The following SYTL3 variants were observed in gnomAD, a reference collection of about 807,000 sequenced individuals.
SYTL3 encodes synaptotagmin-like protein 3.
In SYTL3, 88 loss-of-function variants were observed where a neutral mutation model predicts 82.1. The observed-to-expected ratio is 1.07, with a 90% confidence interval of 0.90 to 1.28. The LOEUF (loss-of-function observed/expected upper bound fraction) is 1.28, where lower values mean the gene tolerates loss of function less well. Ranked by LOEUF, SYTL3 falls within the 50% of genes most tolerant of loss-of-function variation. The pLI is 0.00. For synonymous variants in SYTL3, 311 were observed against 289.4 expected (o/e 1.07, Z -0.76); for missense variants, 831 against 757.6 (o/e 1.10, Z -1.14).
intron 5 of SYTL3, among the ~76,000 whole-genome samples, chr6:158,673,936 T>C (rs1286239366): frequency 6.6e-6 from 1 of 150,734 alleles, no homozygotes; most frequent in Admixed American, 6.6e-5. Flanking sequence ...ATACAAAAAT[T>C]AGTTGGATGT....
intron 12 of SYTL3, among the ~76,000 whole-genome samples, chr6:158,749,020 A>C (rs1014215189): frequency 3.3e-5 from 5 of 151,182 alleles, no homozygotes; most frequent in Non-Finnish European, 7.4e-5. Flanking sequence ...TCAGGAGTTC[A>C]AGACCAGCCT....
chr6:158,739,994 CTTTTTT>C (rs35026438), intron 11 of SYTL3, among the ~76,000 whole-genome samples: 3,547 of 105,572 alleles, frequency 0.034, 60 homozygotes, highest in South Asian at 0.078. Flanking sequence ...AGGCAACTTA[CTTTTTT>C]TTTTTTTTTT....
intron 5 of SYTL3, among the ~76,000 whole-genome samples, chr6:158,672,222 C>T (rs1021880110): frequency 3.9e-5 from 6 of 152,108 alleles, no homozygotes; most frequent in African/African-American, 7.2e-5. Flanking sequence ...ACCCGGGAGG[C>T]GGAGGTTGCA....
intron 2 of SYTL3, among the ~76,000 whole-genome samples, chr6:158,656,797 T>G (rs1332281843): frequency 1.3e-5 from 2 of 152,086 alleles, no homozygotes; most frequent in Non-Finnish European, 2.9e-5. Flanking sequence ...AAACCTGGTG[T>G]TGTGTGGTGA....
rs750579202 is a variant in SYTL3 at position 158,651,753 on chromosome 6, G to C, written c.-726G>C. On this transcript the variant is annotated splice_region_variant and 5_prime_UTR_variant, in exon 2 of 18. Coordinates refer to ENST00000611299, the MANE Select transcript of SYTL3 (RefSeq NM_001242394.2). Reference sequence around the variant, plus strand: ...TTTTGTTGTTTTTGGGTGGTAAAAGGCTCCCCGAATGAGAAAGAATACTCG... The same window carrying C: ...TTTTGTTGTTTTTGGGTGGTAAAAGCCTCCCCGAATGAGAAAGAATACTCG... 2 of 151,678 alleles carry C rather than the reference G, an allele frequency of 1.3e-5. No individual in the cohort carries two copies. Among genetic ancestry groups the C allele is most frequent in the Non-Finnish European group, 2.9e-5 (2 of 67,902 alleles). The allele number at this position is 151,678 out of a possible 1,614,324, so 9.4% of individuals were successfully genotyped here. A position where few individuals can be genotyped will look rare whatever the true frequency, so the allele number is the denominator to read the frequency against.
At chr6:158,668,611 G>A (rs1004547553) in intron 5 of SYTL3, among the ~76,000 whole-genome samples, 11 of 152,178 alleles carry the variant, frequency 7.2e-5, no homozygotes, top group South Asian at 4.1e-4. Context: ...TTTGCCAAGC[G>A]AACACCATGC....
chr6:158,735,057 C>A (rs539533007), intron 11 of SYTL3, among the ~76,000 whole-genome samples: 7 of 152,104 alleles, frequency 4.6e-5, no homozygotes, highest in African/African-American at 1.7e-4. Flanking sequence ...ATCCCACAGG[C>A]GTTTTGTACT....
At chr6:158,670,889 G>A (rs1163427378) in intron 5 of SYTL3, among the ~76,000 whole-genome samples, 3 of 150,972 alleles carry the variant, frequency 2.0e-5, no homozygotes, top group South Asian at 2.1e-4. Context: ...TGCAAGCTCC[G>A]CCTCCTGGGT....
chr6:158,655,680 C>T (rs1423750777), intron 2 of SYTL3, among the ~76,000 whole-genome samples: 1 of 152,216 alleles, frequency 6.6e-6, no homozygotes, highest in Non-Finnish European at 1.5e-5. Flanking sequence ...ATGAGCTGAG[C>T]ACTGTGCTCT....
chr6:158,695,894 A>G (rs1191328406), intron 6 of SYTL3, among the ~76,000 whole-genome samples: 2 of 152,218 alleles, frequency 1.3e-5, no homozygotes, highest in African/African-American at 4.8e-5. Context: ...ATTCTGTGTC[A>G]TGGATATACC....
intron 15 of SYTL3, among the ~76,000 whole-genome samples, chr6:158,761,588 G>T (rs571690638): frequency 6.6e-6 from 1 of 151,960 alleles, no homozygotes; most frequent in Non-Finnish European, 1.5e-5. Context: ...GATTACAGGC[G>T]TGAGCCACCA....
At chr6:158,749,507 CTTTTTTT>C (rs765386344) in intron 12 of SYTL3, among the ~76,000 whole-genome samples, 21 of 66,028 alleles carry the variant, frequency 3.2e-4, no homozygotes, top group South Asian at 1.3e-3. Context: ...TTCTTTCTCT[CTTTTTTT>C]TTTTTTTTTT....
intron 12 of SYTL3, among the ~76,000 whole-genome samples, chr6:158,746,883 G>A (rs768764134): frequency 2.7e-4 from 41 of 151,920 alleles, no homozygotes; most frequent in Admixed American, 6.6e-4. Context: ...TGAACTCTCA[G>A]ACTCAAGCAG....
chr6:158,764,516 G>T lies in SYTL3; in HGVS notation c.1745G>T (p.Gly582Val), dbSNP rs767601205. The change falls in exon 18 of 18, where the codon GGG (glycine) becomes GTG (valine). Residue 582 changes from glycine to valine, a missense_variant. Transcript: ENST00000611299. ...ACAGAGGGAGACACAGCTGTTGGCG[G>T]GGATGCATGCTCACTATCGAAGCTC... ...LGSKGDTAVG[G>V]DACSLSKLQW... 1 of 1,613,942 alleles carries T rather than the reference G, an allele frequency of 6.2e-7. No individual in the cohort carries two copies. Among genetic ancestry groups the T allele is most frequent in the Non-Finnish European group, 8.5e-7 (1 of 1,179,966 alleles).
At chr6:158,696,308 C>T (rs1228652478) in intron 6 of SYTL3, among the ~76,000 whole-genome samples, 12 of 151,830 alleles carry the variant, frequency 7.9e-5, no homozygotes, top group African/African-American at 2.7e-4. Flanking sequence ...CAAGCGATTC[C>T]CGTGTCTCAG....
intron 2 of SYTL3, among the ~76,000 whole-genome samples, chr6:158,652,714 G>A (rs1374274686): frequency 6.6e-6 from 1 of 151,818 alleles, no homozygotes; most frequent in Admixed American, 6.6e-5. Context: ...GCTAATTTTT[G>A]TATTTTTAGT....
At chr6:158,710,498 G>A (rs939799268) in intron 8 of SYTL3, among the ~76,000 whole-genome samples, 1 of 140,344 alleles carries the variant, frequency 7.1e-6, no homozygotes, top group African/African-American at 2.8e-5. Context: ...GTACTTTGAA[G>A]CATGGAGTCA....
At chr6:158,686,252 A>G (rs962888565) in intron 6 of SYTL3, among the ~76,000 whole-genome samples, 4 of 152,236 alleles carry the variant, frequency 2.6e-5, no homozygotes, top group African/African-American at 9.6e-5. Flanking sequence ...AAACTTCAGT[A>G]AGGACAAACA....
At chr6:158,760,814 C>T in intron 15 of SYTL3, 69 bp downstream of exon 15, 1 of 1,285,286 alleles carries the variant, frequency 7.8e-7, no homozygotes, top group Non-Finnish European at 1.1e-6. Context: ...TGCAGGCAGA[C>T]TGAGGTGGGG....
Sources: allele counts gnomAD v4.1 joint callset (sites outside exome capture counted in the v4.1 genomes callset), GRCh38; gene constraint gnomAD v4.1.1; transcripts MANE v1.5; gene names NCBI Gene and HGNC (gene_info 2026-07-23, HGNC 2026-07-21).